Variants in GYS1 observed in about 807,000 individuals in gnomAD.
The protein encoded by GYS1 is glycogen synthase 1.
GYS1 carries 60 observed loss-of-function variants against 89.1 expected under a neutral mutation model. The observed-to-expected ratio is 0.67, with a 90% CI of 0.55 to 0.84. The LOEUF (loss-of-function observed/expected upper bound fraction) is 0.84, where lower values mean the gene tolerates loss of function less well. Ranked by LOEUF, GYS1 falls within the 40% of genes least tolerant of loss-of-function variation. The pLI is 0.00. For synonymous variants in GYS1, 366 were observed against 401.7 expected (o/e 0.91, Z 1.06); for missense variants, 888 against 1,003.1 (o/e 0.89, Z 1.55).
rs750993932 is a variant in GYS1 at position 48,985,413 on chromosome 19, AC to A, written c.823+47del. On this transcript the variant is annotated intron_variant, in intron 5 of 15. Coordinates refer to ENST00000323798, the MANE Select transcript of GYS1 (RefSeq NM_002103.5). ...TGAGGAGCAACTGGCTTTGGCATAG[AC>A]AGCTGCCTACCTCATTCACGTCTGG... The A allele has an allele frequency of 6.9e-6, 11 of 1,597,228 alleles. No individual in the cohort carries two copies. In the African/African-American group the frequency reaches 1.5e-4, roughly 21 times the overall value.
chr19:48,976,639 C>T (rs1007087702), intron 10 of GYS1, among the ~76,000 whole-genome samples: 22 of 151,996 alleles, frequency 1.4e-4, no homozygotes, highest in Non-Finnish European at 2.8e-4. Flanking sequence ...TAAAGTGGCC[C>T]GATAAAACTA....
Position 48,993,034 on chromosome 19 carries a change from C to A in GYS1, c.79G>T (p.Ala27Ser). 1 of 1,613,078 alleles carries A rather than the reference C, an allele frequency of 6.2e-7. No individual in the cohort carries two copies. The highest frequency in any genetic ancestry group is 8.5e-7 in the Non-Finnish European group (1 of 1,179,078). Reference sequence around the variant, plus strand: ...TCCCAGGCCACTTCGAAGAGCACTGCGTTCTCCAGGTCGAATTCATCCTCC... The same window carrying A: ...TCCCAGGCCACTTCGAAGAGCACTGAGTTCTCCAGGTCGAATTCATCCTCC... ...DWEDEFDLEN[A>S]VLFEVAWEVA... Residue 27 changes from alanine to serine, a missense_variant, in exon 1 of 16, where the codon GCA becomes TCA. Ala to Ser is a moderately conservative substitution (Grantham distance 99, BLOSUM62 1). Transcript: ENST00000323798.
At chr19:48,988,806 G>C (rs949791341) in intron 2 of GYS1, among the ~76,000 whole-genome samples, 80 of 152,088 alleles carry the variant, frequency 5.3e-4, no homozygotes, top group African/African-American at 1.8e-3. Context: ...TGTAAGGACA[G>C]GGTTTCACCA....
rs1473851190 is a variant in GYS1 at position 48,968,281 on chromosome 19, GCA to G, written c.*1005_*1006del. 4.6e-5 allele frequency: 21 copies of G among 454,320 alleles called. 1 individual carries two copies. Among genetic ancestry groups the G allele is most frequent in the South Asian group, 3.3e-4 (21 of 64,478 alleles). 28.1% of individuals were successfully genotyped at this position (454,320 alleles called of 1,614,324 possible). On this transcript the variant is annotated 3_prime_UTR_variant, in exon 16 of 16. Coordinates refer to ENST00000323798, the MANE Select transcript of GYS1 (RefSeq NM_002103.5). ...CCCTTTCACCAAAGCTGAAGGCAGG[GCA>G]CAGTTTGGGGATGGAAGAGCCTCGA...
In GYS1 at chr19:48,970,688, C is replaced by A; in HGVS notation, c.1667G>T (p.Arg556Leu). The change falls in exon 14 of 16, where the codon CGG (arginine) becomes CTG (leucine). Residue 556 changes from arginine (R) to leucine (L), a missense_variant. Physicochemically the swap from Arg to Leu is moderately radical, Grantham distance 102. Coordinates refer to ENST00000323798, the MANE Select transcript of GYS1 (RefSeq NM_002103.5). The stretch of plus-strand genomic sequence containing the variant: ...GCAGGAATCATCCAGGCTGCGGAAC[C>A]GCCGGTCAAGAATGTAGATACCTGT... ...SAYGIYILDR[R>L]FRSLDDSCSQ... The A allele has an allele frequency of 1.2e-6, 2 of 1,613,866 alleles. No homozygotes were observed. The highest frequency in any genetic ancestry group is 2.2e-5 in the East Asian group (1 of 44,874).
At position 48,991,285 on chromosome 19, in the gene GYS1, G is replaced by C; in HGVS notation, c.300+17C>G. The C allele has an allele frequency of 6.2e-7, 1 of 1,612,548 alleles. No homozygotes were observed. The highest frequency in any genetic ancestry group is 8.5e-7 in the Non-Finnish European group (1 of 1,179,680). ...GGCTGTCCACCCGCTTCTGCCCTGG[G>C]CTGGGCCACGTCCCACCTTGCAGCC... On this transcript the variant is annotated intron_variant, in intron 2 of 15. Coordinates refer to ENST00000323798, the MANE Select transcript of GYS1 (RefSeq NM_002103.5). The surrounding 1 kb of genome is among the most constrained non-coding windows in gnomAD (Gnocchi z 4.7).
chr19:48,970,383 G>A (rs761113917), intron 14 of GYS1, 163 bp downstream of exon 14: 2 of 657,754 alleles, frequency 3.0e-6, no homozygotes, highest in South Asian at 1.7e-5. Context: ...GCCTCCCAAA[G>A]TGCTGGGATT....
Position 48,969,553 on chromosome 19 carries a change from C to T in GYS1, c.1949G>A (p.Arg650Gln), listed in dbSNP as rs1279700149. ...CTCACTCTGGTGCGGGCTGGAGTGT[C>T]GTGACAGCGAGGGCGACGGTGGCAC... ...ASVPPSPSLS[R>Q]HSSPHQSEDE... The change falls in exon 16 of 16, where the codon CGA becomes CAA. Residue 650 changes from arginine (R) to glutamine (Q), a missense_variant. Physicochemically the swap from Arg to Gln is conservative, Grantham distance 43. Transcript: ENST00000323798. 1.3e-6 allele frequency: 2 copies of T among 1,540,190 alleles called. No homozygotes were observed. Among genetic ancestry groups the T allele is most frequent in the South Asian group, 1.2e-5 (1 of 84,028 alleles).
At chr19:48,980,825 C>CA (rs1468366788) in intron 8 of GYS1, among the ~76,000 whole-genome samples, 1 of 151,458 alleles carries the variant, frequency 6.6e-6, no homozygotes, top group Non-Finnish European at 1.5e-5. Context: ...ACTAAAAATA[C>CA]AAAAAAAGGC....
At chr19:48,982,415 A>C (rs763875076) in intron 6 of GYS1, 40 bp from the exon 7 acceptor site, 2 of 1,612,642 alleles carry the variant, frequency 1.2e-6, no homozygotes, top group African/African-American at 2.7e-5. Flanking sequence ...CAAAGCCCTC[A>C]CCCGCTAGCC....
intron 7 of GYS1, 66 bp from the exon 8 acceptor site, chr19:48,981,702 T>G: frequency 9.9e-7 from 1 of 1,010,114 alleles, no homozygotes; most frequent in Non-Finnish European, 1.6e-6. Flanking sequence ...AGCCAGCCTT[T>G]CTGTCAAGAC....
chr19:48,979,336 CTTTTTTTTTTT>C (rs777178030), intron 8 of GYS1, among the ~76,000 whole-genome samples: 54 of 92,748 alleles, frequency 5.8e-4, no homozygotes, highest in African/African-American at 2.0e-3. Flanking sequence ...TTTTTCTTTT[CTTTTTTTTTTT>C]TTTTTTTTTT....
At chr19:48,987,143 G>T in intron 3 of GYS1, 51 bp downstream of exon 3, 4 of 1,318,928 alleles carry the variant, frequency 3.0e-6, no homozygotes, top group South Asian at 2.4e-5. Context: ...CCCAGGGGCT[G>T]ATGGTCATTG....
In GYS1 at chr19:48,993,205, C is replaced by A. The variant is rs764855271; in HGVS notation, c.-93G>T. 8.8e-6 allele frequency: 7 copies of A among 791,592 alleles called. No homozygotes were observed. In the African/African-American group the frequency reaches 1.2e-4, roughly 13 times the overall value. 49.0% of individuals were successfully genotyped at this position (791,592 alleles called of 1,614,324 possible). A position where few individuals can be genotyped will look rare whatever the true frequency, so the allele number is the denominator to read the frequency against. Reference sequence around the variant, plus strand: ...CCAGGTAGGGTGCGGGGCCGAGTAGCTGGTGCCCGACGGGAAGCTTGCAAG... The same window carrying A: ...CCAGGTAGGGTGCGGGGCCGAGTAGATGGTGCCCGACGGGAAGCTTGCAAG... On this transcript the variant is annotated 5_prime_UTR_variant, in exon 1 of 16. Coordinates refer to ENST00000323798, the MANE Select transcript of GYS1 (RefSeq NM_002103.5).
In GYS1 at chr19:48,977,978, C is replaced by T; in HGVS notation, c.1254G>A (p.Lys418=). 1.2e-6 allele frequency: 2 copies of T among 1,614,028 alleles called. No homozygotes were observed. Among genetic ancestry groups the T allele is most frequent in the Non-Finnish European group, 1.7e-6 (2 of 1,179,976 alleles). The change falls in exon 10 of 16, where the codon AAG becomes AAA. Residue 418 remains lysine (K), a synonymous_variant. Coordinates refer to ENST00000323798, the MANE Select transcript of GYS1 (RefSeq NM_002103.5). Reference sequence around the variant, plus strand: ...TAGTGAAGTCTTCCTTATCCAGCATCTTGTTCATGTCGGGAAGGCTCCCAC... The same window carrying T: ...TAGTGAAGTCTTCCTTATCCAGCATTTTGTTCATGTCGGGAAGGCTCCCAC... ...LLVGSLPDMN[K]MLDKEDFTMM... is the part of the protein sequence containing the mutation.
intron 8 of GYS1, 173 bp from the exon 9 acceptor site, chr19:48,978,330 A>G (rs551104668): frequency 4.6e-6 from 3 of 655,106 alleles, no homozygotes; most frequent in Non-Finnish European, 8.4e-6. Flanking sequence ...GGTTCAAGCA[A>G]TTCTCCTGCC....
intron 15 of GYS1, 56 bp from the exon 16 acceptor site, chr19:48,969,667 C>T: frequency 6.3e-7 from 1 of 1,575,208 alleles, no homozygotes; most frequent in East Asian, 2.3e-5. Flanking sequence ...CACAGTCCCA[C>T]CCAGGCATCC....
chr19:48,991,555 C>CG lies in GYS1; in HGVS notation c.119-73dup. The stretch of plus-strand genomic sequence containing the variant: ...TTCTGGGGCCTGGGGTGGGGTGGGC[C>CG]GGGGATGTAGGGGGCACTCAGGCCC... On this transcript the variant is annotated intron_variant, in intron 1 of 15. Coordinates refer to ENST00000323798, the MANE Select transcript of GYS1 (RefSeq NM_002103.5). The surrounding 1 kb of genome is among the most constrained non-coding windows in gnomAD (Gnocchi z 4.7). The CG allele has an allele frequency of 4.9e-6, 4 of 814,060 alleles. No individual in the cohort carries two copies. Among genetic ancestry groups the CG allele is most frequent in the Admixed American group, 1.8e-5 (1 of 54,228 alleles). The allele number at this position is 814,060 out of a possible 1,614,324, so 50.4% of individuals were successfully genotyped here.
chr19:48,986,311 T>C (rs2038843015), intron 3 of GYS1, among the ~76,000 whole-genome samples: 1 of 151,872 alleles, frequency 6.6e-6, no homozygotes, highest in Non-Finnish European at 1.5e-5. Context: ...CTGGCAGGGT[T>C]AGATTGGACA....
Sources: gnomAD v4.1 joint callset for allele counts (sites outside exome capture counted in the v4.1 genomes callset) on GRCh38, gnomAD v4.1.1 for gene constraint, Gnocchi (gnomAD v3.1) non-coding constraint, MANE v1.5 for transcripts, NCBI Gene and HGNC (gene_info 2026-07-23, HGNC 2026-07-21) for gene names.